Variants in ALMS1 observed in about 807,000 individuals in gnomAD.
ALMS1 encodes ALMS1 centrosome and basal body associated protein, also known as centrosome-associated protein ALMS1.
Under a neutral mutation model 352.2 loss-of-function variants are expected in ALMS1, and 271 were observed. The observed-to-expected ratio is 0.77, with a 90% CI of 0.70 to 0.85. ALMS1 has a LOEUF of 0.85. Among genes scored for constraint, ALMS1 ranks in the 40% least tolerant of loss-of-function variants. ALMS1 has a pLI of 0.00. For synonymous variants in ALMS1, 1,865 were observed against 1,761.2 expected (o/e 1.06, Z -1.48); for missense variants, 5,445 against 4,870.7 (o/e 1.12, Z -3.51).
intron 8 of ALMS1, 77 bp from the exon 9 acceptor site, chr2:73,455,082 TTGA>T: frequency 2.0e-6 from 3 of 1,474,098 alleles, no homozygotes; most frequent in South Asian, 1.2e-5. Flanking sequence ...ATTGCATATA[TTGA>T]TGATCTTCTG....
intron 9 of ALMS1, among the ~76,000 whole-genome samples, chr2:73,483,925 G>A (rs1672768520): frequency 6.8e-6 from 1 of 147,718 alleles, no homozygotes; most frequent in South Asian, 2.2e-4. Flanking sequence ...CCATTTGCTT[G>A]GTAGATCTTC....
At chr2:73,595,350 CTCTCA>C (rs1380017864) in intron 16 of ALMS1, among the ~76,000 whole-genome samples, 1 of 152,220 alleles carries the variant, frequency 6.6e-6, no homozygotes, top group Non-Finnish European at 1.5e-5. Context: ...CCCAGGCAAC[CTCTCA>C]TCTGCCTTCT....
rs1283312642 is a variant in ALMS1, at chr2:73,491,099, T to G, written c.9140T>G (p.Val3047Gly). ...PPSNRKALSC[V>G]HITLCPKTSS... is the part of the protein sequence containing the mutation. ...TCAAATAGAAAAGCACTTTCTTGTG[T>G]TCATATAACTCTTTGTCCCAAGACT... is the stretch of plus-strand genomic sequence containing the variant. Residue 3047 changes from valine to glycine, a missense_variant, in exon 10 of 23, where the codon GTT becomes GGT. By Grantham distance (109) the Val-to-Gly change is moderately radical. Transcript: ENST00000613296. The G allele has an allele frequency of 6.2e-7, 1 of 1,614,192 alleles. No individual in the cohort carries two copies.
intron 9 of ALMS1, among the ~76,000 whole-genome samples, chr2:73,482,597 A>G (rs376953528): frequency 6.6e-6 from 1 of 152,170 alleles, no homozygotes; most frequent in African/African-American, 2.4e-5. Flanking sequence ...CCTCATAAAA[A>G]GAGTTAGGGA....
At chr2:73,435,924 A>G (rs1375896212) in intron 7 of ALMS1, among the ~76,000 whole-genome samples, 1 of 152,222 alleles carries the variant, frequency 6.6e-6, no homozygotes, top group African/African-American at 2.4e-5. Flanking sequence ...TCTTTAAATC[A>G]GTTAACAGAA....
chr2:73,426,856 A>G (rs1398425163), intron 6 of ALMS1, among the ~76,000 whole-genome samples: 1 of 152,186 alleles, frequency 6.6e-6, no homozygotes, highest in Non-Finnish European at 1.5e-5. Context: ...GGAATGTTTT[A>G]TTTGAAAAAT....
chr2:73,423,613 G>T (rs1000885356), intron 4 of ALMS1, among the ~76,000 whole-genome samples: 1 of 103,806 alleles, frequency 9.6e-6, no homozygotes, highest in Non-Finnish European at 1.8e-5. Flanking sequence ...TAGATGTTTA[G>T]AAAGTAAAAA....
Position 73,419,132 on chromosome 2 carries a change from T to A in ALMS1, c.460T>A (p.Ser154Thr), listed in dbSNP as rs767106643. Residue 154 changes from serine to threonine, a missense_variant, in exon 3 of 23, where the codon TCT becomes ACT. Physicochemically the swap from Ser to Thr is moderately conservative, Grantham distance 58. Transcript: ENST00000613296. ...RGSGDDQKTE[S>T]WHCLPQEMDS... ...TTTAACATTTTTCTAGAAAACAGAA[T>A]CTTGGCATTGTCTTCCTCAAGAAAT... is the stretch of plus-strand genomic sequence containing the variant. The A allele has an allele frequency of 4.3e-6, 7 of 1,613,566 alleles. No homozygotes were observed. Among genetic ancestry groups the A allele is most frequent in the Non-Finnish European group, 5.1e-6 (6 of 1,179,660 alleles).
chr2:73,501,836 A>G (rs1572978027), intron 10 of ALMS1, among the ~76,000 whole-genome samples: 1 of 152,186 alleles, frequency 6.6e-6, no homozygotes. Context: ...GATTGTATGG[A>G]ATCTGTAGAT....
chr2:73,602,086 C>T, intron 19 of ALMS1, 99 bp from the exon 20 acceptor site: 2 of 1,278,204 alleles, frequency 1.6e-6, no homozygotes, highest in Admixed American at 2.0e-5. Flanking sequence ...ATCAGACTTC[C>T]CCAAACCTCT....
At chr2:73,530,663 C>A (rs1673889566) in intron 11 of ALMS1, among the ~76,000 whole-genome samples, 1 of 152,260 alleles carries the variant, frequency 6.6e-6, no homozygotes, top group Non-Finnish European at 1.5e-5. Flanking sequence ...CTCCAACTCA[C>A]ATTACCAGTC....
rs1286601960 is a variant in ALMS1, at chr2:73,432,226, C to T, written c.1367C>T (p.Ser456Leu). The T allele has an allele frequency of 3.1e-6, 5 of 1,613,346 alleles. No individual in the cohort carries two copies. In the East Asian group the frequency reaches 1.1e-4, roughly 36 times the overall value. ...ACAAGAGAGTCGGAATATCACTCTTCAGATCTCAGAATGTTGAGGATGTCT... is the reference window on the plus strand; with the variant it reads ...ACAAGAGAGTCGGAATATCACTCTTTAGATCTCAGAATGTTGAGGATGTCT... ...KPTRESEYHS[S>L]DLRMLRMSPD... is the part of the protein sequence containing the mutation. Residue 456 changes from serine (S) to leucine (L), a missense_variant, in exon 7 of 23, where the codon TCA becomes TTA. Ser to Leu is a moderately radical substitution (Grantham distance 145, BLOSUM62 -2). Coordinates refer to ENST00000613296, the MANE Select transcript of ALMS1 (RefSeq NM_001378454.1).
At chr2:73,565,264 C>G (rs928596715) in intron 15 of ALMS1, among the ~76,000 whole-genome samples, 4 of 151,858 alleles carry the variant, frequency 2.6e-5, no homozygotes, top group Admixed American at 6.6e-5. Flanking sequence ...TTTTGTGGTG[C>G]CAGAAAGTAA....
chr2:73,571,923 T>A (rs1416934857), intron 15 of ALMS1, among the ~76,000 whole-genome samples: 1 of 151,456 alleles, frequency 6.6e-6, no homozygotes, highest in Non-Finnish European at 1.5e-5. Context: ...AAAAAACAGA[T>A]GCAGAGCATA....
chr2:73,533,977 T>C (rs546874079), intron 11 of ALMS1, among the ~76,000 whole-genome samples: 1 of 152,336 alleles, frequency 6.6e-6, no homozygotes, highest in Non-Finnish European at 1.5e-5. Flanking sequence ...AAATCTTTAT[T>C]CACAGAATTC....
In ALMS1 at chr2:73,399,296, G is replaced by T. The variant is rs116520284; in HGVS notation, c.325-9326G>T. 7.8e-3 allele frequency among the ~76,000 whole-genome samples: 1,186 copies of T among 152,246 alleles called. 13 individuals carry two copies. The highest frequency in any genetic ancestry group is 0.027 in the African/African-American group (1,133 of 41,538). The stretch of plus-strand genomic sequence containing the variant: ...TACACTGTTGGACAGTGGTGAGAGG[G>T]TGTATTATGTCGTCATTGTGTTGCT... On this transcript the variant is annotated intron_variant, in intron 1 of 22. Transcript: ENST00000613296.
chr2:73,430,170 G>A (rs1398537304), intron 6 of ALMS1, among the ~76,000 whole-genome samples: 1 of 150,280 alleles, frequency 6.7e-6, no homozygotes, highest in Non-Finnish European at 1.5e-5. Context: ...TCCGCCTCCC[G>A]GGTTCACACC....
Position 73,602,296 on chromosome 2 carries a change from C to T in ALMS1, c.12226C>T (p.Arg4076Trp), listed in dbSNP as rs368113488. The stretch of plus-strand genomic sequence containing the variant: ...GCTGCAGAGCATGTTACAGACCGAG[C>T]GGGATGCACTATTCAACATTGACAG... ...RKLQSMLQTE[R>W]DALFNIDRER... The change falls in exon 20 of 23, where the codon CGG becomes TGG. Residue 4076 changes from arginine (R) to tryptophan (W), a missense_variant. Arg to Trp is a moderately radical substitution (Grantham distance 101). Transcript: ENST00000613296. 8.7e-6 allele frequency: 14 copies of T among 1,614,032 alleles called. No homozygotes were observed. Among genetic ancestry groups the T allele is most frequent in the African/African-American group, 6.7e-5 (5 of 74,910 alleles).
intron 10 of ALMS1, among the ~76,000 whole-genome samples, 177 bp downstream of exon 10, chr2:73,491,675 T>C (rs1461113688): frequency 6.6e-6 from 1 of 152,240 alleles, no homozygotes; most frequent in Non-Finnish European, 1.5e-5. Flanking sequence ...AGAGAGAACA[T>C]GTGACAGTAA....
Sources: allele counts gnomAD v4.1 joint callset (sites outside exome capture counted in the v4.1 genomes callset), GRCh38; gene constraint gnomAD v4.1.1; transcripts MANE v1.5; gene names NCBI Gene and HGNC (gene_info 2026-07-23, HGNC 2026-07-21).